The following DGKB variants were observed in gnomAD, a reference collection of about 807,000 sequenced individuals.
The protein encoded by DGKB is diacylglycerol kinase beta.
In DGKB, 67 loss-of-function variants were observed where a neutral mutation model predicts 114.3. The ratio of observed to expected loss-of-function variants is 0.59; its 90% CI spans 0.48 to 0.72. The LOEUF (loss-of-function observed/expected upper bound fraction) is 0.72, where lower values mean the gene tolerates loss of function less well. Ranked by LOEUF, DGKB falls within the 30% of genes least tolerant of loss-of-function variation. The pLI is 0.00. For synonymous variants in DGKB, 398 were observed against 323.1 expected, an observed-to-expected ratio of 1.23 and a Z score of -2.49; for missense variants, 907 against 975.2, an observed-to-expected ratio of 0.93 and a Z score of 0.93.
intron 13 of DGKB, among the ~76,000 whole-genome samples, chr7:14,640,670 A>G (rs1811603301): frequency 6.6e-6 from 1 of 152,216 alleles, no homozygotes; most frequent in Non-Finnish European, 1.5e-5. Flanking sequence ...AGATCATGGT[A>G]GTATTTACAA....
intron 23 of DGKB, among the ~76,000 whole-genome samples, chr7:14,223,481 A>G (rs185974200): frequency 6.6e-6 from 1 of 151,868 alleles, no homozygotes; most frequent in Admixed American, 6.6e-5. Flanking sequence ...TTCCTACATT[A>G]TTACATTATA....
At chr7:14,694,225 G>A in intron 8 of DGKB, 31 bp from the exon 9 acceptor site, 1 of 1,540,508 alleles carries the variant, frequency 6.5e-7, no homozygotes, top group South Asian at 1.2e-5. Context: ...GAAAATTGGT[G>A]GTCAACCAAT....
At chr7:14,316,121 T>C (rs1316617374) in intron 23 of DGKB, among the ~76,000 whole-genome samples, 21 of 151,438 alleles carry the variant, frequency 1.4e-4, no homozygotes, top group Middle Eastern at 3.4e-3. Context: ...ATCTCTGGGA[T>C]GCATTCAAAG....
chr7:14,576,800 C>T (rs1005217699), intron 19 of DGKB, among the ~76,000 whole-genome samples: 1 of 152,056 alleles, frequency 6.6e-6, no homozygotes, highest in Non-Finnish European at 1.5e-5. Context: ...AAATCTTTAC[C>T]ACTGGATATG....
chr7:14,215,301 G>A (rs1012718560), intron 23 of DGKB, among the ~76,000 whole-genome samples: 108 of 152,120 alleles, frequency 7.1e-4, no homozygotes, highest in African/African-American at 2.1e-3. Flanking sequence ...ATGAACCTGG[G>A]AGAAAATTAA....
intron 1 of DGKB, among the ~76,000 whole-genome samples, chr7:14,935,581 A>T (rs1269232800): frequency 6.6e-6 from 1 of 152,176 alleles, no homozygotes; most frequent in Admixed American, 6.5e-5. Context: ...GAGTGAATGT[A>T]AAATAGTTAC....
chr7:14,680,205 T>A (rs1820589884), intron 12 of DGKB, among the ~76,000 whole-genome samples: 1 of 151,830 alleles, frequency 6.6e-6, no homozygotes, highest in African/African-American at 2.4e-5. Flanking sequence ...TAAATAGAGC[T>A]TTGAGATTGA....
chr7:14,709,967 TAAAAA>T (rs543470972), intron 6 of DGKB, among the ~76,000 whole-genome samples: 6 of 123,860 alleles, frequency 4.8e-5, no homozygotes, highest in African/African-American at 1.7e-4. Flanking sequence ...AAAGTATAAT[TAAAAA>T]AAAAAAAGAA....
chr7:14,729,123 C>CTTTCTTTTTTTTTTTTTTTTTT (rs1463141725), intron 5 of DGKB, among the ~76,000 whole-genome samples: 34 of 113,416 alleles, frequency 3.0e-4, no homozygotes, highest in Non-Finnish European at 5.6e-4. Flanking sequence ...CATTTTCTTT[C>CTTTCTTTTTTTTTTTTTTTTTT]TTTTTTTTTT....
chr7:14,528,010 C>T (rs1440146257), intron 20 of DGKB, among the ~76,000 whole-genome samples: 1 of 151,834 alleles, frequency 6.6e-6, no homozygotes, highest in East Asian at 1.9e-4. Flanking sequence ...TTTGTTAGTA[C>T]CCAAAAAAGC....
At chr7:14,178,809 A>C (rs2128247073) in intron 23 of DGKB, among the ~76,000 whole-genome samples, 1 of 152,270 alleles carries the variant, frequency 6.6e-6, no homozygotes, top group African/African-American at 2.4e-5. Context: ...AATCATTATT[A>C]TTAAATTTTT....
At chr7:14,587,838 C>A (rs111544379) in intron 17 of DGKB, among the ~76,000 whole-genome samples, 6 of 152,226 alleles carry the variant, frequency 3.9e-5, no homozygotes, top group African/African-American at 1.4e-4. Flanking sequence ...AACCACAATG[C>A]TATTGCACAT....
At chr7:14,729,278 A>AGG (rs1295411583) in intron 5 of DGKB, among the ~76,000 whole-genome samples, 1 of 137,818 alleles carries the variant, frequency 7.3e-6, no homozygotes, top group Non-Finnish European at 1.7e-5. Flanking sequence ...GCCTGCCACC[A>AGG]CATCCGGCTA....
intron 23 of DGKB, among the ~76,000 whole-genome samples, chr7:14,329,659 T>C (rs541516586): frequency 7.2e-4 from 109 of 152,140 alleles, no homozygotes; most frequent in African/African-American, 2.6e-3. Context: ...GAAATTATTG[T>C]AATTTCCTGG....
rs1436443594 is a variant in DGKB, at chr7:14,526,813, C to T, written c.1770+47399G>A. Among the ~76,000 whole-genome samples, 4 of 152,018 alleles carry T rather than the reference C, an allele frequency of 2.6e-5. No homozygotes were observed. In the East Asian group the frequency reaches 5.8e-4, roughly 22 times the overall value. On this transcript the variant is annotated intron_variant, in intron 20 of 25. Transcript: ENST00000402815. ...TACATACAAACCAAAATTACACACA[C>T]GCCACACACAGACACACACACATTG...
intron 1 of DGKB, among the ~76,000 whole-genome samples, chr7:14,926,640 T>G (rs527722870): frequency 6.6e-6 from 1 of 151,918 alleles, no homozygotes; most frequent in East Asian, 1.9e-4. Context: ...TTTTTATGTC[T>G]TGTGCTGCTG....
At chr7:14,281,386 A>T (rs1347847769) in intron 23 of DGKB, among the ~76,000 whole-genome samples, 1 of 125,838 alleles carries the variant, frequency 7.9e-6, no homozygotes, top group Non-Finnish European at 1.7e-5. Flanking sequence ...CTACAAAGAG[A>T]CTTAGACTCC....
At chr7:14,329,495 C>A (rs1410953146) in intron 23 of DGKB, among the ~76,000 whole-genome samples, 1 of 151,920 alleles carries the variant, frequency 6.6e-6, no homozygotes, top group Non-Finnish European at 1.5e-5. Context: ...TCTGGAGGAA[C>A]AAGGAAAATG....
At chr7:14,719,733 G>A (rs990527681) in intron 5 of DGKB, among the ~76,000 whole-genome samples, 1 of 152,148 alleles carries the variant, frequency 6.6e-6, no homozygotes, top group African/African-American at 2.4e-5. Flanking sequence ...GCCATCTCAA[G>A]ATTCCCAGGC....
Sources: allele counts gnomAD v4.1 joint callset (sites outside exome capture counted in the v4.1 genomes callset), GRCh38; gene constraint gnomAD v4.1.1; transcripts MANE v1.5; gene names NCBI Gene and HGNC (gene_info 2026-07-23, HGNC 2026-07-21).